The following COL14A1 variants were observed in gnomAD, a reference collection of about 807,000 sequenced individuals.
COL14A1 encodes the protein collagen alpha-1(XIV) chain.
COL14A1 carries 136 observed loss-of-function variants against 230.3 expected under a neutral mutation model. The ratio of observed to expected loss-of-function variants is 0.59; its 90% confidence interval spans 0.51 to 0.68. The LOEUF (loss-of-function observed/expected upper bound fraction) is 0.68, where lower values mean the gene tolerates loss of function less well. Ranked by LOEUF, COL14A1 falls within the 30% of genes least tolerant of loss-of-function variation. The probability of loss-of-function intolerance (pLI) is 0.00; values close to 1 mark genes in which losing one functional copy is unlikely to be tolerated. For synonymous variants in COL14A1, 792 were observed against 784.1 expected (o/e 1.01, Z -0.17); for missense variants, 1,976 against 2,215.8 (o/e 0.89, Z 2.17).
At chr8:120,328,395 TA>T (rs559894693) in intron 40 of COL14A1, among the ~76,000 whole-genome samples, 3,764 of 127,470 alleles carry the variant, frequency 0.03, 69 homozygotes, top group Non-Finnish European at 0.042. Flanking sequence ...AATTTTTTTT[TA>T]ATTTTTTTTT....
At chr8:120,205,638 C>T (rs989128819) in intron 9 of COL14A1, among the ~76,000 whole-genome samples, 5 of 152,068 alleles carry the variant, frequency 3.3e-5, no homozygotes, top group Admixed American at 1.3e-4. Flanking sequence ...TCATCATTCC[C>T]CTTTCCCCAG....
chr8:120,331,395 T>A (rs1247392934), intron 40 of COL14A1, among the ~76,000 whole-genome samples: 1 of 152,236 alleles, frequency 6.6e-6, no homozygotes, highest in African/African-American at 2.4e-5. Flanking sequence ...TTAAATTAAC[T>A]GCTTTGGAAA....
chr8:120,179,089 A>G (rs1417465029), intron 5 of COL14A1, among the ~76,000 whole-genome samples: 1 of 152,000 alleles, frequency 6.6e-6, no homozygotes, highest in Admixed American at 6.6e-5. Context: ...ATTAGATCCC[A>G]TTTGTCAATT....
intron 24 of COL14A1, among the ~76,000 whole-genome samples, chr8:120,265,973 G>A (rs1275636269): frequency 1.3e-5 from 2 of 152,040 alleles, no homozygotes; most frequent in Non-Finnish European, 2.9e-5. Flanking sequence ...ATCGCCTGAG[G>A]CTAGACATCC....
chr8:120,343,810 T>G (rs1479267525), intron 44 of COL14A1, among the ~76,000 whole-genome samples: 2 of 152,184 alleles, frequency 1.3e-5, no homozygotes, highest in Non-Finnish European at 2.9e-5. Context: ...ATAACCTGTA[T>G]CTTGAATTGT....
chr8:120,185,196 C>A (rs1207003999), intron 5 of COL14A1, among the ~76,000 whole-genome samples: 1 of 152,180 alleles, frequency 6.6e-6, no homozygotes, highest in Non-Finnish European at 1.5e-5. Flanking sequence ...AAATTCCAGA[C>A]ACAGCTGAAA....
intron 40 of COL14A1, among the ~76,000 whole-genome samples, chr8:120,326,157 G>GT (rs1159250733): frequency 6.6e-6 from 1 of 152,188 alleles, no homozygotes; most frequent in Non-Finnish European, 1.5e-5. Context: ...AGTGAGAGCT[G>GT]TAACATGCAG....
At chr8:120,173,347 C>T (rs911591339) in intron 5 of COL14A1, among the ~76,000 whole-genome samples, 27 of 152,112 alleles carry the variant, frequency 1.8e-4, no homozygotes, top group Admixed American at 4.6e-4. Flanking sequence ...TTATTTCTTA[C>T]TTTCTGGCAC....
chr8:120,322,199 G>A (rs9650080), intron 40 of COL14A1, among the ~76,000 whole-genome samples: 71,556 of 143,968 alleles, frequency 0.5, 17,337 homozygotes, highest in African/African-American at 0.57. Flanking sequence ...CAGGGAGGGG[G>A]AAAACACACA....
At chr8:120,311,007 G>A (rs1221190110) in intron 37 of COL14A1, among the ~76,000 whole-genome samples, 2 of 152,150 alleles carry the variant, frequency 1.3e-5, no homozygotes, top group Non-Finnish European at 2.9e-5. Context: ...TCATGGAGAG[G>A]AGAACATTGC....
chr8:120,220,345 C>G (rs1817890367), intron 14 of COL14A1, among the ~76,000 whole-genome samples: 1 of 146,836 alleles, frequency 6.8e-6, no homozygotes. Context: ...ACGATCTTGG[C>G]TCACTGCAAT....
chr8:120,163,573 G>A (rs941745006), intron 4 of COL14A1, among the ~76,000 whole-genome samples: 1 of 152,116 alleles, frequency 6.6e-6, no homozygotes, highest in Non-Finnish European at 1.5e-5. Flanking sequence ...AGACCAGCCT[G>A]ACCAACATGG....
In COL14A1 at chr8:120,326,395, G is replaced by A. The variant is rs145296833; in HGVS notation, c.4660-5746G>A. On this transcript the variant is annotated intron_variant, in intron 40 of 47. Coordinates refer to ENST00000297848, the MANE Select transcript of COL14A1 (RefSeq NM_021110.4). ...AAACTCTTAGAAGAGTGACTGTCTT[G>A]TTCATCATTGTCTACCTAGAGCCTA... is the stretch of plus-strand genomic sequence containing the variant. 4.3e-4 allele frequency among the ~76,000 whole-genome samples: 66 copies of A among 152,282 alleles called. 1 individual carries two copies. In the East Asian group the frequency reaches 8.3e-3, roughly 19 times the overall value.
chr8:120,191,932 T>C (rs1380452162), intron 5 of COL14A1, among the ~76,000 whole-genome samples: 1 of 152,028 alleles, frequency 6.6e-6, no homozygotes, highest in Non-Finnish European at 1.5e-5. Context: ...TTTGAGCCTA[T>C]GTATGTCTCT....
intron 15 of COL14A1, among the ~76,000 whole-genome samples, chr8:120,225,541 A>AGT (rs1202597692): frequency 6.6e-6 from 1 of 152,130 alleles, no homozygotes; most frequent in Non-Finnish European, 1.5e-5. Context: ...CATTCAAATG[A>AGT]GTGTGTGTAT....
In COL14A1 at chr8:120,141,577, G is replaced by A. The variant is rs761106815; in HGVS notation, c.-37-6229G>A. Among the ~76,000 whole-genome samples the A allele has an allele frequency of 6.6e-5, 10 of 152,036 alleles. No homozygotes were observed. In the East Asian group the frequency reaches 1.7e-3, roughly 26 times the overall value. On this transcript the variant is annotated intron_variant, in intron 1 of 47. Coordinates refer to ENST00000297848, the MANE Select transcript of COL14A1 (RefSeq NM_021110.4). ...AGAAAACAAAAGAAAAGAAAAAAAG[G>A]GTTTTAAAGATAAGCTATGGTTACA...
At chr8:120,163,842 CT>C (rs774373281) in intron 4 of COL14A1, among the ~76,000 whole-genome samples, 5 of 149,718 alleles carry the variant, frequency 3.3e-5, no homozygotes, top group Admixed American at 6.7e-5. Context: ...TTCATTCATT[CT>C]TTTTTTTTTC....
Position 120,199,488 on chromosome 8 carries a change from A to G in COL14A1, c.799A>G (p.Thr267Ala). The G allele has an allele frequency of 6.2e-7, 1 of 1,612,942 alleles. No homozygotes were observed. Among genetic ancestry groups the G allele is most frequent in the Non-Finnish European group, 8.5e-7 (1 of 1,179,564 alleles). The change falls in exon 8 of 48, where the codon ACA becomes GCA. Residue 267 changes from threonine (T) to alanine (A), a missense_variant. Physicochemically the swap from Thr to Ala is moderately conservative, Grantham distance 58. This residue lies in a region of COL14A1 where 1,791 missense variants were observed against 2,019.5 expected (regional missense o/e 0.89). Transcript: ENST00000297848. Reference sequence around the variant, plus strand: ...AGTATCCAAAATTGGCATTTTAATCACAGATGGAAAATCCCAAGATGACAT... The same window carrying G: ...AGTATCCAAAATTGGCATTTTAATCGCAGATGGAAAATCCCAAGATGACAT... ...TGVSKIGILI[T>A]DGKSQDDIIP...
At chr8:120,322,278 T>C (rs1254755841) in intron 40 of COL14A1, among the ~76,000 whole-genome samples, 1 of 152,006 alleles carries the variant, frequency 6.6e-6, no homozygotes, top group Admixed American at 6.6e-5. Context: ...CATGCTGGGA[T>C]TGATACCTCG....
Sources: gnomAD v4.1 joint callset for allele counts (sites outside exome capture counted in the v4.1 genomes callset) on GRCh38, gnomAD v4.1.1 for gene constraint, gnomAD v4.1.1 regional missense constraint, MANE v1.5 for transcripts, NCBI Gene and HGNC (gene_info 2026-07-23, HGNC 2026-07-21) for gene names.